The following FAM110B variants were observed in gnomAD, a reference collection of about 807,000 sequenced individuals.
FAM110B encodes protein FAM110B.
A neutral mutation model predicts 20.4 loss-of-function variants in FAM110B; 6 were observed. The ratio of observed to expected loss-of-function variants is 0.29; its 90% CI spans 0.16 to 0.58. The LOEUF (loss-of-function observed/expected upper bound fraction) is 0.58. Ranked by LOEUF, FAM110B falls within the 20% of genes least tolerant of loss-of-function variation. FAM110B has a pLI of 0.90. For synonymous variants in FAM110B, 226 were observed against 214.1 expected, an observed-to-expected ratio of 1.06 and a Z score of -0.49; for missense variants, 434 against 498.2, an observed-to-expected ratio of 0.87 and a Z score of 1.23.
intron 2 of FAM110B, among the ~76,000 whole-genome samples, chr8:58,071,071 G>A (rs1227410521): frequency 1.3e-5 from 2 of 151,746 alleles, no homozygotes; most frequent in Non-Finnish European, 2.9e-5. Flanking sequence ...AGGAAGGTGG[G>A]GTTCTTACCA....
intron 1 of FAM110B, among the ~76,000 whole-genome samples, chr8:58,006,004 A>C (rs1477743136): frequency 6.6e-6 from 1 of 152,074 alleles, no homozygotes; most frequent in Non-Finnish European, 1.5e-5. Context: ...ACTGTCATTC[A>C]CAGCTGGCTT....
chr8:58,049,805 G>C (rs1440132692), intron 2 of FAM110B, among the ~76,000 whole-genome samples: 1 of 152,130 alleles, frequency 6.6e-6, no homozygotes, highest in Non-Finnish European at 1.5e-5. Flanking sequence ...TCACTCTTAA[G>C]TAAAGCAATG....
At chr8:57,997,864 A>T (rs1212831233) in intron 1 of FAM110B, among the ~76,000 whole-genome samples, 2 of 152,188 alleles carry the variant, frequency 1.3e-5, no homozygotes, top group Non-Finnish European at 2.9e-5. Flanking sequence ...TGTCTCCTCT[A>T]AGAGAGAGTA....
intron 1 of FAM110B, among the ~76,000 whole-genome samples, chr8:58,023,796 C>T (rs752542603): frequency 6.6e-6 from 1 of 152,126 alleles, no homozygotes; most frequent in Non-Finnish European, 1.5e-5. Context: ...TTAATTAGAT[C>T]ATATCCAGTC....
intron 3 of FAM110B, among the ~76,000 whole-genome samples, chr8:58,121,159 T>G (rs1340338416): frequency 6.6e-6 from 1 of 152,122 alleles, no homozygotes; most frequent in African/African-American, 2.4e-5. Flanking sequence ...AGCCTCCAGA[T>G]GCTGTGTGGC....
intron 1 of FAM110B, among the ~76,000 whole-genome samples, chr8:58,012,389 T>C (rs1022735098): frequency 2.0e-5 from 3 of 152,074 alleles, no homozygotes; most frequent in African/African-American, 7.2e-5. Flanking sequence ...ACCGAGAAGA[T>C]GGAAGTTATT....
Position 58,049,451 on chromosome 8 carries a change from A to G in FAM110B, c.-414+17748A>G, listed in dbSNP as rs572397112. Among the ~76,000 whole-genome samples the G allele has an allele frequency of 4.6e-5, 7 of 152,176 alleles. 1 individual carries two copies. Among genetic ancestry groups the G allele is most frequent in the Middle Eastern group, 3.4e-3 (1 of 294 alleles). The stretch of plus-strand genomic sequence containing the variant: ...CTTACACTCCTTAGGTGCACAGCAA[A>G]TGCCAGAACTGCCCTAATTAGGTCA... On this transcript the variant is annotated intron_variant, in intron 2 of 3. Coordinates refer to ENST00000519262, the MANE Select transcript of FAM110B (RefSeq NM_001377989.1).
chr8:58,041,869 G>A (rs1001808151), intron 2 of FAM110B, among the ~76,000 whole-genome samples: 17 of 152,210 alleles, frequency 1.1e-4, no homozygotes, highest in Admixed American at 3.9e-4. Context: ...TTGACAGACA[G>A]CTGACTTCTG....
chr8:58,097,371 G>T (rs1026655532), intron 3 of FAM110B, among the ~76,000 whole-genome samples: 1 of 152,072 alleles, frequency 6.6e-6, no homozygotes, highest in African/African-American at 2.4e-5. Flanking sequence ...CAAAGTTGTC[G>T]TGCTGTGTTT....
chr8:58,006,860 T>C (rs1376517789), intron 1 of FAM110B, among the ~76,000 whole-genome samples: 1 of 145,338 alleles, frequency 6.9e-6, no homozygotes, highest in Non-Finnish European at 1.5e-5. Flanking sequence ...AGTGCTGGGA[T>C]TACAGGCTTG....
chr8:58,008,758 C>A (rs1804466272), intron 1 of FAM110B, among the ~76,000 whole-genome samples: 1 of 152,184 alleles, frequency 6.6e-6, no homozygotes, highest in Non-Finnish European at 1.5e-5. Flanking sequence ...AAGGCTGACA[C>A]CAGGTATGAG....
intron 1 of FAM110B, among the ~76,000 whole-genome samples, chr8:58,019,315 C>T (rs12114333): frequency 0.15 from 17,546 of 113,350 alleles, 1,506 homozygotes; most frequent in African/African-American, 0.27. Context: ...TCCAGCCTGG[C>T]GACAGAGTGA....
Position 58,147,247 on chromosome 8 carries a change from G to C in FAM110B, c.1017G>C (p.Pro339=), listed in dbSNP as rs771744509. Reference sequence around the variant, plus strand: ...ATGACAGTGCCAATGACCGCGTGCCGTATGGCATTTCTGCCATCGAAAGAA... The same window carrying C: ...ATGACAGTGCCAATGACCGCGTGCCCTATGGCATTTCTGCCATCGAAAGAA... The part of the protein sequence containing the change: ...RNDDSANDRV[P]YGISAIERNA... Residue 339 remains proline, a synonymous_variant, in exon 4 of 4, where the codon CCG becomes CCC. Coordinates refer to ENST00000519262, the MANE Select transcript of FAM110B (RefSeq NM_001377989.1). 6 of 1,614,004 alleles carry C rather than the reference G, an allele frequency of 3.7e-6. No individual in the cohort carries two copies. In the East Asian group the frequency reaches 8.9e-5, roughly 24 times the overall value.
In FAM110B at chr8:58,146,426, G is replaced by C; in HGVS notation, c.196G>C (p.Glu66Gln). 6.2e-7 allele frequency: 1 copy of C among 1,613,950 alleles called. No homozygotes were observed. ...ADKAKYVKSQEVINAKQEPVK... is the reference protein window; with the variant it reads ...ADKAKYVKSQQVINAKQEPVK... ...CAAGGCCAAGTACGTCAAGAGCCAG[G>C]AGGTGATCAACGCCAAGCAGGAGCC... is the stretch of plus-strand genomic sequence containing the variant. The change falls in exon 4 of 4, where the codon GAG (glutamate) becomes CAG (glutamine). Residue 66 changes from glutamate (E) to glutamine (Q), a missense_variant. Glu to Gln is a conservative substitution (Grantham distance 29). Coordinates refer to ENST00000519262, the MANE Select transcript of FAM110B (RefSeq NM_001377989.1).
At chr8:58,041,365 G>A (rs73681772) in intron 2 of FAM110B, among the ~76,000 whole-genome samples, 2,866 of 152,306 alleles carry the variant, frequency 0.019, 100 homozygotes, top group African/African-American at 0.063. Flanking sequence ...AAAAGGTGAT[G>A]ATAGTTCCCA....
intron 3 of FAM110B, among the ~76,000 whole-genome samples, chr8:58,082,390 G>A (rs1806219880): frequency 1.3e-5 from 2 of 152,196 alleles, no homozygotes; most frequent in South Asian, 4.1e-4. Flanking sequence ...AGTCTAAACT[G>A]TGAAGAACCA....
At chr8:58,058,876 T>C (rs984719905) in intron 2 of FAM110B, among the ~76,000 whole-genome samples, 1 of 152,190 alleles carries the variant, frequency 6.6e-6, no homozygotes, top group Non-Finnish European at 1.5e-5. Flanking sequence ...TTCTAACAAA[T>C]ATATACACTC....
intron 3 of FAM110B, among the ~76,000 whole-genome samples, chr8:58,143,437 G>A (rs551989295): frequency 6.6e-6 from 1 of 152,218 alleles, no homozygotes; most frequent in Non-Finnish European, 1.5e-5. Flanking sequence ...GTGGGAAGGG[G>A]TAGAAGCCAA....
intron 3 of FAM110B, among the ~76,000 whole-genome samples, chr8:58,115,085 C>T (rs890957860): frequency 1.3e-5 from 2 of 151,486 alleles, no homozygotes; most frequent in African/African-American, 2.4e-5. Flanking sequence ...ATATGTGACT[C>T]ATCTTGACTA....
Sources: allele counts gnomAD v4.1 joint callset (sites outside exome capture counted in the v4.1 genomes callset), GRCh38; gene constraint gnomAD v4.1.1; transcripts MANE v1.5; gene names NCBI Gene and HGNC (gene_info 2026-07-23, HGNC 2026-07-21).